Variants in FUT8 observed in about 807,000 individuals in gnomAD.
FUT8 encodes fucosyltransferase 8.
FUT8 carries 29 observed loss-of-function variants against 71.3 expected under a neutral mutation model. The ratio of observed to expected loss-of-function variants is 0.41; its 90% CI spans 0.30 to 0.55. FUT8 has a LOEUF of 0.55. Ranked by LOEUF, FUT8 falls within the 20% of genes least tolerant of loss-of-function variation. FUT8 has a pLI of 0.34. For missense variants in FUT8, 544 were observed against 702.1 expected (o/e 0.77, Z 2.55); for synonymous variants, 254 against 239.3 (o/e 1.06, Z -0.57).
At chr14:65,439,171 C>T (rs2065604789) in intron 1 of FUT8, among the ~76,000 whole-genome samples, 1 of 152,142 alleles carries the variant, frequency 6.6e-6, no homozygotes, top group Non-Finnish European at 1.5e-5. Flanking sequence ...CAAATGGAAG[C>T]TTGTTACTGT....
intron 1 of FUT8, among the ~76,000 whole-genome samples, chr14:65,437,091 G>T (rs1415537425): frequency 6.6e-6 from 1 of 152,112 alleles, no homozygotes; most frequent in East Asian, 1.9e-4. Context: ...AGCAAAACAG[G>T]ATTGATAATC....
At chr14:65,419,182 C>T (rs1195356713) in intron 1 of FUT8, among the ~76,000 whole-genome samples, 1 of 152,118 alleles carries the variant, frequency 6.6e-6, no homozygotes, top group Non-Finnish European at 1.5e-5. Flanking sequence ...ATCACTTGAA[C>T]CCAGGAGGCG....
At position 65,669,609 on chromosome 14, in the gene FUT8, T is replaced by C; in HGVS notation, c.835+129T>C. On this transcript the variant is annotated intron_variant, in intron 7 of 10. Transcript: ENST00000673929. This position sits in a 1 kb window ranked among gnomAD's most constrained non-coding sequence, Gnocchi z 4.5. Reference sequence around the variant, plus strand: ...CTGGATCCATGAATACTATACATTATCCAGATAAAATCTAGAAGAACAGTA... The same window carrying C: ...CTGGATCCATGAATACTATACATTACCCAGATAAAATCTAGAAGAACAGTA... 1.7e-6 allele frequency: 1 copy of C among 585,398 alleles called. No individual in the cohort carries two copies. The highest frequency in any genetic ancestry group is 3.0e-6 in the Non-Finnish European group (1 of 332,194). 36.3% of individuals were successfully genotyped at this position (585,398 alleles called of 1,614,324 possible). A position where few individuals can be genotyped will look rare whatever the true frequency, so the allele number is the denominator to read the frequency against.
Position 65,550,670 on chromosome 14 carries a change from TC to T in FUT8, c.-227-10666del, listed in dbSNP as rs1378010002. ...TTCTTTTTTCAACATTTTCATTTTT[TC>T]TTTTAAATCCTAGCACATATTTCGA... On this transcript the variant is annotated intron_variant, in intron 2 of 10. Coordinates refer to ENST00000673929, the MANE Select transcript of FUT8 (RefSeq NM_001371533.1). This position sits in a 1 kb window ranked among gnomAD's most constrained non-coding sequence, Gnocchi z 4.5. 6.6e-6 allele frequency among the ~76,000 whole-genome samples: 1 copy of T among 152,208 alleles called. No homozygotes were observed. Among genetic ancestry groups the T allele is most frequent in the African/African-American group, 2.4e-5 (1 of 41,462 alleles).
intron 9 of FUT8, among the ~76,000 whole-genome samples, chr14:65,726,313 A>G (rs1447126618): frequency 6.6e-6 from 1 of 152,234 alleles, no homozygotes; most frequent in African/African-American, 2.4e-5. Flanking sequence ...AAAAATATGC[A>G]AGTTGGTAAA....
At chr14:65,628,339 T>C (rs1184185063) in intron 5 of FUT8, among the ~76,000 whole-genome samples, 1 of 152,166 alleles carries the variant, frequency 6.6e-6, no homozygotes, top group Non-Finnish European at 1.5e-5. Context: ...GAGGAGCCAA[T>C]TCATGTTAAG....
chr14:65,531,010 A>G (rs1193288057), intron 2 of FUT8, among the ~76,000 whole-genome samples: 5 of 148,936 alleles, frequency 3.4e-5, no homozygotes, highest in East Asian at 4.1e-4. Context: ...CTTATATTCT[A>G]TCTGTTGAGA....
At chr14:65,440,143 A>G (rs1477627240) in intron 1 of FUT8, among the ~76,000 whole-genome samples, 3 of 151,654 alleles carry the variant, frequency 2.0e-5, no homozygotes, top group Non-Finnish European at 4.4e-5. Flanking sequence ...TATATGTAGA[A>G]TCTAACAAAG....
chr14:65,575,576 CTT>C (rs1566830329), intron 3 of FUT8, among the ~76,000 whole-genome samples: 46 of 3,074 alleles, frequency 0.015, no homozygotes, highest in Admixed American at 0.11. Flanking sequence ...TCTTTCCTTC[CTT>C]CCTTCTTCCT....
rs1896620165 is a variant in FUT8 at position 65,743,975 on chromosome 14, ATACTG to A, written c.*1568_*1572del. On this transcript the variant is annotated 3_prime_UTR_variant, in exon 11 of 11. Transcript: ENST00000673929. ...GCCTTCATATCTTCACCAAATGAAAATACTGTATATAAAATTTCACCACCAAACTT... is the reference window on the plus strand; with the variant it reads ...GCCTTCATATCTTCACCAAATGAAAATATATAAAATTTCACCACCAAACTT... The A allele has an allele frequency of 6.6e-6, 1 of 151,890 alleles. No homozygotes were observed. Among genetic ancestry groups the A allele is most frequent in the African/African-American group, 2.4e-5 (1 of 41,408 alleles). The allele number at this position is 151,890 out of a possible 1,614,324, so 9.4% of individuals were successfully genotyped here.
intron 6 of FUT8, among the ~76,000 whole-genome samples, chr14:65,639,981 C>T (rs1386517476): frequency 2.0e-5 from 3 of 152,052 alleles, no homozygotes; most frequent in Non-Finnish European, 2.9e-5. Flanking sequence ...CTGCCAAATA[C>T]ATTTTAATGT....
At chr14:65,464,754 T>G (rs1175809956) in intron 2 of FUT8, among the ~76,000 whole-genome samples, 1 of 152,196 alleles carries the variant, frequency 6.6e-6, no homozygotes, top group Non-Finnish European at 1.5e-5. Flanking sequence ...TTGAGAACAT[T>G]TGCCTCTGTG....
rs369016185 is a variant in FUT8, at chr14:65,424,720, A to C, written c.-326+11506A>C. On this transcript the variant is annotated intron_variant, in intron 1 of 10. Coordinates refer to ENST00000673929, the MANE Select transcript of FUT8 (RefSeq NM_001371533.1). ...CTGTCACTCAGGCTGGAATGTCATG[A>C]TTCAATCATAGCTCACTGCAACCTC... is the stretch of plus-strand genomic sequence containing the variant. Among the ~76,000 whole-genome samples the C allele has an allele frequency of 2.4e-4, 36 of 151,814 alleles. No homozygotes were observed. In the East Asian group the frequency reaches 4.1e-3, roughly 17 times the overall value.
rs547534309 is a variant in FUT8 at position 65,598,473 on chromosome 14, G to A, written c.204-17505G>A. ...CCTGACCTTGTGATCCACCCGCCTC[G>A]GCCTCCCAAAGTGCTAGGATTGCAG... On this transcript the variant is annotated intron_variant, in intron 3 of 10. Transcript: ENST00000673929. 2.1e-4 allele frequency among the ~76,000 whole-genome samples: 32 copies of A among 152,152 alleles called. No individual in the cohort carries two copies. The South Asian group carries it at 6.4e-3, about 31-fold the overall frequency.
chr14:65,519,215 T>TA (rs892998832), intron 2 of FUT8, among the ~76,000 whole-genome samples: 1 of 152,054 alleles, frequency 6.6e-6, no homozygotes, highest in African/African-American at 2.4e-5. Flanking sequence ...GTTCATTCAT[T>TA]AAAAAAATGG....
Position 65,724,314 on chromosome 14 carries a change from C to A in FUT8, c.1250C>A (p.Ala417Glu). 6.3e-7 allele frequency: 1 copy of A among 1,598,158 alleles called. No individual in the cohort carries two copies. The highest frequency in any genetic ancestry group is 1.1e-5 in the South Asian group (1 of 88,016). Residue 417 changes from alanine (A) to glutamate (E), a missense_variant, in exon 9 of 11, where the codon GCA (alanine) becomes GAA (glutamate). Transcript: ENST00000673929. Reference protein sequence around the residue: ...ATDDPSLLKEAKTKYPNYEFI... With the variant: ...ATDDPSLLKEEKTKYPNYEFI... ...GATGACCCTTCTTTATTAAAGGAGG[C>A]AAAAACAAAGTAAGTTAGACCAACT...
At chr14:65,402,320 C>T in the FUT8 span, among the ~76,000 whole-genome samples, 1 of 150,108 alleles carries the variant, frequency 6.7e-6, no homozygotes, top group Non-Finnish European at 1.5e-5. Context: ...CCCACCTCAG[C>T]CTACAAAGTA....
chr14:65,544,367 G>A (rs1884864468), intron 2 of FUT8, among the ~76,000 whole-genome samples: 1 of 152,082 alleles, frequency 6.6e-6, no homozygotes, highest in Admixed American at 6.6e-5. Context: ...AGGGTAAACT[G>A]TCCATATGTG....
Position 65,558,836 on chromosome 14 carries a change from T to C in FUT8, c.-227-2501T>C, listed in dbSNP as rs559917225. 1.1e-3 allele frequency among the ~76,000 whole-genome samples: 173 copies of C among 152,094 alleles called. 1 individual carries two copies. Among genetic ancestry groups the C allele is most frequent in the African/African-American group, 3.9e-3 (163 of 41,440 alleles). On this transcript the variant is annotated intron_variant, in intron 2 of 10. Transcript: ENST00000673929. ...AAAATACTGGCAAAGACAAAAAAAA[T>C]CATGGGAAACATTCTCTCCAAAAAC...
Sources: allele counts gnomAD v4.1 joint callset (sites outside exome capture counted in the v4.1 genomes callset), GRCh38; gene constraint gnomAD v4.1.1; non-coding constraint Gnocchi (gnomAD v3.1); transcripts MANE v1.5; gene names NCBI Gene and HGNC (gene_info 2026-07-23, HGNC 2026-07-21).